The following AMN1 variants were observed in gnomAD, a reference collection of about 807,000 sequenced individuals.
The protein encoded by AMN1 is protein AMN1 homolog.
A neutral mutation model predicts 33.0 loss-of-function variants in AMN1; 20 were observed. The observed-to-expected ratio is 0.61, with a 90% confidence interval of 0.43 to 0.88. The LOEUF (loss-of-function observed/expected upper bound fraction) is 0.88, where lower values mean the gene tolerates loss of function less well. Ranked by LOEUF, AMN1 falls within the 40% of genes least tolerant of loss-of-function variation. AMN1 has a pLI of 0.00. For missense variants in AMN1, 246 were observed against 307.4 expected, an observed-to-expected ratio of 0.80 and a Z score of 1.49; for synonymous variants, 114 against 111.9, an observed-to-expected ratio of 1.02 and a Z score of -0.12.
intron 1 of AMN1, among the ~76,000 whole-genome samples, chr12:31,720,590 C>A (rs1017178976): frequency 6.6e-6 from 1 of 151,304 alleles, no homozygotes; most frequent in South Asian, 2.1e-4. Context: ...CTCACAAATA[C>A]CAATTATGGG....
chr12:31,693,765 C>A (rs1790540778), intron 5 of AMN1, among the ~76,000 whole-genome samples: 1 of 151,986 alleles, frequency 6.6e-6, no homozygotes, highest in Non-Finnish European at 1.5e-5. Flanking sequence ...TGGTCTCAAA[C>A]TCCCAACCTC....
intron 1 of AMN1, among the ~76,000 whole-genome samples, chr12:31,725,823 G>T (rs1386872678): frequency 6.6e-6 from 1 of 152,174 alleles, no homozygotes; most frequent in Non-Finnish European, 1.5e-5. Flanking sequence ...AGCCTCCCAA[G>T]TAGCTGGGAA....
intron 6 of AMN1, chr12:31,672,858 A>G (rs4930987): frequency 0.96 from 150,880 of 156,940 alleles, 72,823 homozygotes; most frequent in East Asian, 1. Flanking sequence ...CAAAGGGTTA[A>G]AGGAGGTAGT....
At chr12:31,719,198 C>T in intron 1 of AMN1, 1 of 246,994 alleles carries the variant, frequency 4.0e-6, no homozygotes, top group Non-Finnish European at 6.5e-6. Context: ...CAACCAGTCC[C>T]AGTGAGATGA....
chr12:31,682,329 G>C (rs975715229), intron 6 of AMN1, among the ~76,000 whole-genome samples: 1 of 152,164 alleles, frequency 6.6e-6, no homozygotes, highest in Non-Finnish European at 1.5e-5. Context: ...GACACAACAA[G>C]CTCTCTTTGG....
intron 2 of AMN1, among the ~76,000 whole-genome samples, chr12:31,706,462 G>A (rs1165217150): frequency 6.6e-6 from 1 of 152,058 alleles, no homozygotes; most frequent in African/African-American, 2.4e-5. Flanking sequence ...GATGGTGATG[G>A]CTGCAGAGTG....
intron 5 of AMN1, among the ~76,000 whole-genome samples, chr12:31,691,541 G>A (rs918457251): frequency 1.3e-5 from 2 of 151,934 alleles, no homozygotes; most frequent in African/African-American, 4.8e-5. Flanking sequence ...TAATATGAGT[G>A]AATTTTCTTG....
At chr12:31,706,041 G>A (rs943003074) in intron 2 of AMN1, among the ~76,000 whole-genome samples, 4 of 151,912 alleles carry the variant, frequency 2.6e-5, no homozygotes, top group African/African-American at 4.8e-5. Context: ...GGCCGGGCGC[G>A]GTGGCTCACG....
At chr12:31,677,785 G>A (rs997534301) in intron 6 of AMN1, among the ~76,000 whole-genome samples, 1 of 152,084 alleles carries the variant, frequency 6.6e-6, no homozygotes, top group Non-Finnish European at 1.5e-5. Flanking sequence ...TCTTCCCCAA[G>A]GTGGGTCACA....
chr12:31,715,065 C>G (rs1405102211), intron 1 of AMN1: 1 of 256,394 alleles, frequency 3.9e-6, no homozygotes, highest in Non-Finnish European at 6.1e-6. Flanking sequence ...AAAGCCAGTA[C>G]AGTACTAGCC....
chr12:31,695,471 ATTTC>A (rs1555187136), intron 5 of AMN1, among the ~76,000 whole-genome samples: 11 of 131,200 alleles, frequency 8.4e-5, no homozygotes, highest in Non-Finnish European at 1.7e-4. Flanking sequence ...AAATATAGTA[ATTTC>A]TTTCTTTCTT....
At chr12:31,699,962 G>A (rs7315065) in intron 3 of AMN1, among the ~76,000 whole-genome samples, 4 of 152,152 alleles carry the variant, frequency 2.6e-5, no homozygotes, top group African/African-American at 9.7e-5. Context: ...TGTGAGTGTA[G>A]AGAAATGTGG....
intron 5 of AMN1, among the ~76,000 whole-genome samples, chr12:31,696,321 G>C (rs569244410): frequency 6.6e-6 from 1 of 151,410 alleles, no homozygotes; most frequent in Admixed American, 6.6e-5. Context: ...TATGTTGCCA[G>C]GCTGGACTCC....
chr12:31,693,877 C>T (rs1029842021), intron 5 of AMN1, among the ~76,000 whole-genome samples: 1 of 151,238 alleles, frequency 6.6e-6, no homozygotes, highest in Non-Finnish European at 1.5e-5. Context: ...CACTGTGTTG[C>T]CCAGGATGTT....
At chr12:31,727,396 G>A (rs998856395) in intron 1 of AMN1, among the ~76,000 whole-genome samples, 2 of 152,134 alleles carry the variant, frequency 1.3e-5, no homozygotes, top group African/African-American at 2.4e-5. Context: ...ATGACTGAAA[G>A]AGGAAATGCT....
chr12:31,674,909 C>A (rs1171807258), intron 6 of AMN1, among the ~76,000 whole-genome samples: 1 of 151,592 alleles, frequency 6.6e-6, no homozygotes, highest in African/African-American at 2.4e-5. Context: ...GTAATCCCAG[C>A]TACTCAGGAG....
intron 1 of AMN1, 84 bp downstream of exon 1, chr12:31,728,887 C>T: frequency 2.5e-6 from 3 of 1,195,198 alleles, no homozygotes; most frequent in East Asian, 3.8e-5. Flanking sequence ...GGGAAAGGGG[C>T]GGGGAGGAAG....
intron 1 of AMN1, among the ~76,000 whole-genome samples, chr12:31,720,546 A>G (rs895600227): frequency 6.6e-6 from 1 of 152,078 alleles, no homozygotes; most frequent in African/African-American, 2.4e-5. Context: ...GTCTCAAAAA[A>G]AAAAAAAAAA....
At chr12:31,700,713 G>A (rs559863226) in intron 3 of AMN1, among the ~76,000 whole-genome samples, 17 of 151,228 alleles carry the variant, frequency 1.1e-4, no homozygotes, top group African/African-American at 3.2e-4. Flanking sequence ...TTTTTGAGAC[G>A]GAGTCTTGCT....
Sources: allele counts gnomAD v4.1 joint callset (sites outside exome capture counted in the v4.1 genomes callset), GRCh38; gene constraint gnomAD v4.1.1; transcripts MANE v1.5; gene names NCBI Gene and HGNC (gene_info 2026-07-23, HGNC 2026-07-21).